The following SRPRA variants were observed in gnomAD, a reference collection of about 807,000 sequenced individuals.
SRPRA encodes the protein SRP receptor subunit alpha.
Under a neutral mutation model 61.1 loss-of-function variants are expected in SRPRA, and 30 were observed. The ratio of observed to expected loss-of-function variants is 0.49; its 90% CI spans 0.37 to 0.67. The LOEUF (loss-of-function observed/expected upper bound fraction) is 0.67. Among genes scored for constraint, SRPRA ranks in the 30% least tolerant of loss-of-function variants. The pLI is 0.00. For synonymous variants in SRPRA, 324 were observed against 299.7 expected (o/e 1.08, Z -0.84); for missense variants, 759 against 828.4 (o/e 0.92, Z 1.03).
the SRPRA span, among the ~76,000 whole-genome samples, chr11:126,236,767 C>A: frequency 6.8e-6 from 1 of 147,806 alleles, no homozygotes; most frequent in South Asian, 2.2e-4. Flanking sequence ...TTATTTTTTT[C>A]CCCCCCATTT....
chr11:126,256,776 CTAT>C, the SRPRA span: 1 of 1,614,092 alleles, frequency 6.2e-7, no homozygotes. The surrounding 1 kb of genome is among the most constrained non-coding windows in gnomAD (Gnocchi z 6.6). Flanking sequence ...AAGTCATCTC[CTAT>C]GGAGATGACT....
chr11:126,264,867 A>G lies in SRPRA; in HGVS notation c.1525+92T>C. ...TACTGTAATTGACCAACGAGTCTGT[A>G]GTAGCACAAGCCTGATCTTCTGCAA... On this transcript the variant is annotated intron_variant, in intron 11 of 13. Transcript: ENST00000332118. The surrounding 1 kb of genome is among the most constrained non-coding windows in gnomAD (Gnocchi z 5.0). 1.6e-6 allele frequency: 2 copies of G among 1,220,304 alleles called. No individual in the cohort carries two copies. Among genetic ancestry groups the G allele is most frequent in the African/African-American group, 1.5e-5 (1 of 65,856 alleles). 75.6% of individuals were successfully genotyped at this position (1,220,304 alleles called of 1,614,324 possible).
At chr11:126,259,721 G>A (rs1234777465), downstream of SRPRA, among the ~76,000 whole-genome samples, 4 of 149,030 alleles carry the variant, frequency 2.7e-5, no homozygotes, top group South Asian at 2.1e-4. Flanking sequence ...CACCATGCCC[G>A]GGCCTATTTA....
At chr11:126,256,824 A>C in the SRPRA span, 1 of 1,612,342 alleles carries the variant, frequency 6.2e-7, no homozygotes. This position sits in a 1 kb window ranked among gnomAD's most constrained non-coding sequence, Gnocchi z 6.6. Flanking sequence ...AGCGACTGAC[A>C]TGTGAGATCT....
rs1314401589 is a variant in SRPRA at position 126,264,140 on chromosome 11, C to T, written c.1788+51G>A. On this transcript the variant is annotated intron_variant, in intron 13 of 13. Transcript: ENST00000332118. This position sits in a 1 kb window ranked among gnomAD's most constrained non-coding sequence, Gnocchi z 5.0. ...GCTGGAGCCAAGATTTCCTTGCAGC[C>T]TCAGCTCCTTTGTGCAGGACGCCCA... 3.7e-6 allele frequency: 6 copies of T among 1,611,968 alleles called. No individual in the cohort carries two copies. The highest frequency in any genetic ancestry group is 2.2e-5 in the South Asian group (2 of 90,874).
the SRPRA span, chr11:126,241,129 GCATGCCAAAT>G: frequency 1.5e-4 from 205 of 1,373,320 alleles, no homozygotes; most frequent in African/African-American, 2.7e-3. Flanking sequence ...GTCAAAACTA[GCATGCCAAAT>G]GTAACAGGGA....
the SRPRA span, among the ~76,000 whole-genome samples, chr11:126,244,093 A>C: frequency 2.0e-5 from 3 of 152,164 alleles, no homozygotes; most frequent in African/African-American, 7.2e-5. This position sits in a 1 kb window ranked among gnomAD's most constrained non-coding sequence, Gnocchi z 4.5. Flanking sequence ...GAAGGTAACT[A>C]CCTCAACACG....
chr11:126,266,708 C>A, intron 5 of SRPRA, 55 bp downstream of exon 5: 1 of 1,609,420 alleles, frequency 6.2e-7, no homozygotes, highest in Non-Finnish European at 8.5e-7. Flanking sequence ...AACTCCCTTG[C>A]ACCCATTGTG....
chr11:126,242,741 T>C, the SRPRA span, among the ~76,000 whole-genome samples: 1 of 152,210 alleles, frequency 6.6e-6, no homozygotes, highest in Admixed American at 6.5e-5. Context: ...ATAAGTGTTA[T>C]TAAGGATGTG....
At chr11:126,237,939 T>G in the SRPRA span, among the ~76,000 whole-genome samples, 1 of 151,984 alleles carries the variant, frequency 6.6e-6, no homozygotes, top group Admixed American at 6.6e-5. Flanking sequence ...CTTCCCATAC[T>G]ATCTCTTATT....
At chr11:126,253,822 A>G in the SRPRA span, among the ~76,000 whole-genome samples, 4 of 152,228 alleles carry the variant, frequency 2.6e-5, no homozygotes, top group Non-Finnish European at 5.9e-5. This position sits in a 1 kb window ranked among gnomAD's most constrained non-coding sequence, Gnocchi z 5.1. Flanking sequence ...TTCCAAAAGT[A>G]ACACAAGAGA....
the SRPRA span, among the ~76,000 whole-genome samples, chr11:126,247,686 A>G: frequency 4.1e-4 from 62 of 151,868 alleles, no homozygotes; most frequent in African/African-American, 1.5e-3. Context: ...GGTGAAACCC[A>G]TCTCTACTAA....
the SRPRA span, among the ~76,000 whole-genome samples, chr11:126,254,061 G>A: frequency 1.3e-5 from 2 of 152,154 alleles, no homozygotes; most frequent in East Asian, 1.9e-4. Context: ...TGCAAATTAT[G>A]ACAAATTGTG....
At chr11:126,255,267 C>T in the SRPRA span, among the ~76,000 whole-genome samples, 1 of 152,172 alleles carries the variant, frequency 6.6e-6, no homozygotes, top group African/African-American at 2.4e-5. The surrounding 1 kb of genome is among the most constrained non-coding windows in gnomAD (Gnocchi z 4.6). Context: ...TTCGCTGCCC[C>T]CAGCTCTAAG....
intron 5 of SRPRA, 30 bp from the exon 6 acceptor site, chr11:126,266,659 G>A (rs1262269519): frequency 6.2e-7 from 1 of 1,610,794 alleles, no homozygotes; most frequent in Non-Finnish European, 8.5e-7. Flanking sequence ...AAAGAGTTAT[G>A]GTGGAGAAGT....
rs952262614 is a variant in SRPRA, at chr11:126,268,143, C to A, written c.118-57G>T. ...TATCCCCAGAAAACCCAGGTTTGGG[C>A]CCTGGGTTTGGATAACCTTTGGGAA... On this transcript the variant is annotated intron_variant, in intron 1 of 13. Coordinates refer to ENST00000332118, the MANE Select transcript of SRPRA (RefSeq NM_003139.4). 23 of 1,519,812 alleles carry A rather than the reference C, an allele frequency of 1.5e-5. No homozygotes were observed. In the Admixed American group the frequency reaches 2.0e-4, roughly 13 times the overall value. The allele number at this position is 1,519,812 out of a possible 1,614,324, so 94.1% of individuals were successfully genotyped here.
rs1950793629 is a variant in SRPRA, at chr11:126,265,629, A to G, written c.1138+108T>C. On this transcript the variant is annotated intron_variant, in intron 9 of 13. Coordinates refer to ENST00000332118, the MANE Select transcript of SRPRA (RefSeq NM_003139.4). This position sits in a 1 kb window ranked among gnomAD's most constrained non-coding sequence, Gnocchi z 6.3. ...CAATAACCCTTAAAATCTAGGTTAC[A>G]GAGGTTTAGAGGTTAAGGAATTTGC... is the stretch of plus-strand genomic sequence containing the variant. 3.0e-6 allele frequency: 4 copies of G among 1,314,840 alleles called. No individual in the cohort carries two copies. The Admixed American group carries it at 7.7e-5, about 25-fold the overall frequency. 81.4% of individuals were successfully genotyped at this position (1,314,840 alleles called of 1,614,324 possible). A position where few individuals can be genotyped will look rare whatever the true frequency, so the allele number is the denominator to read the frequency against.
chr11:126,265,522 G>A lies in SRPRA; in HGVS notation c.1139-82C>T, dbSNP rs762484335. The A allele has an allele frequency of 8.4e-5, 125 of 1,482,744 alleles. No homozygotes were observed. Among genetic ancestry groups the A allele is most frequent in the Non-Finnish European group, 1.1e-4 (124 of 1,094,488 alleles). The allele number at this position is 1,482,744 out of a possible 1,614,324, so 91.8% of individuals were successfully genotyped here. On this transcript the variant is annotated intron_variant, in intron 9 of 13. Transcript: ENST00000332118. This position sits in a 1 kb window ranked among gnomAD's most constrained non-coding sequence, Gnocchi z 6.3. ...ATGCCTAACACCTTTCTGAGCTAAG[G>A]GGACTAAAACAGTAAATTAGACTCT...
rs1950841831 is a variant in SRPRA, at chr11:126,267,649, G to C, written c.265C>G (p.Leu89Val). Residue 89 changes from leucine (L) to valine (V), a missense_variant, in exon 3 of 14, where the codon CTG becomes GTG. Around this residue, in one of 2 missense-constraint regions of SRPRA, gnomAD observed 475 missense variants for 462.5 expected, o/e 1.03. Coordinates refer to ENST00000332118, the MANE Select transcript of SRPRA (RefSeq NM_003139.4). The surrounding 1 kb of genome is among the most constrained non-coding windows in gnomAD (Gnocchi z 4.2). ...VDKLIDDVHR[L>V]FRDKYRTEIQ... ...TCTGTGCGGTACTTGTCCCGAAACA[G>C]CCGATGCACGTCATCTATCAATTTG... 6.2e-7 allele frequency: 1 copy of C among 1,614,132 alleles called. No individual in the cohort carries two copies. Among genetic ancestry groups the C allele is most frequent in the East Asian group, 2.2e-5 (1 of 44,890 alleles).
Sources: gnomAD v4.1 joint callset for allele counts (sites outside exome capture counted in the v4.1 genomes callset) on GRCh38, gnomAD v4.1.1 for gene constraint, gnomAD v4.1.1 regional missense constraint, Gnocchi (gnomAD v3.1) non-coding constraint, MANE v1.5 for transcripts, NCBI Gene and HGNC (gene_info 2026-07-23, HGNC 2026-07-21) for gene names.